Variants in CCDC178 observed in about 807,000 individuals in gnomAD.
CCDC178 encodes coiled-coil domain-containing protein 178.
Under a neutral mutation model 117.4 loss-of-function variants are expected in CCDC178, and 126 were observed. The ratio of observed to expected loss-of-function variants is 1.07; its 90% CI spans 0.93 to 1.24. The LOEUF is 1.24. Ranked by LOEUF, CCDC178 falls within the 50% of genes most tolerant of loss-of-function variation. The pLI is 0.00. For missense variants in CCDC178, 1,030 were observed against 986.9 expected (o/e 1.04, Z -0.59); for synonymous variants, 283 against 313.4 (o/e 0.90, Z 1.02).
chr18:33,216,905 G>A (rs1033611386), intron 18 of CCDC178, among the ~76,000 whole-genome samples: 3 of 151,992 alleles, frequency 2.0e-5, no homozygotes, highest in Admixed American at 6.6e-5. Flanking sequence ...GACAGAGAGC[G>A]GACAGGTGTG....
At chr18:33,127,272 G>C (rs747993486) in intron 20 of CCDC178, among the ~76,000 whole-genome samples, 1 of 151,910 alleles carries the variant, frequency 6.6e-6, no homozygotes, top group Admixed American at 6.6e-5. Context: ...CACTTTCATA[G>C]TAACACTACA....
chr18:32,999,522 G>GTCTT (rs2055589183), intron 21 of CCDC178, among the ~76,000 whole-genome samples: 1 of 152,074 alleles, frequency 6.6e-6, no homozygotes, highest in Non-Finnish European at 1.5e-5. Context: ...CTTGCTCCAG[G>GTCTT]TCTTAGGCAA....
chr18:33,177,951 G>A (rs2058682935), intron 20 of CCDC178, among the ~76,000 whole-genome samples: 1 of 152,012 alleles, frequency 6.6e-6, no homozygotes, highest in Non-Finnish European at 1.5e-5. Flanking sequence ...ATGTTCTCAT[G>A]AAATATGAGT....
chr18:33,040,953 G>T (rs2056539062), intron 21 of CCDC178, among the ~76,000 whole-genome samples: 1 of 151,926 alleles, frequency 6.6e-6, no homozygotes, highest in African/African-American at 2.4e-5. Context: ...AGAATAGTGT[G>T]AATATGCCTT....
At position 33,141,196 on chromosome 18, in the gene CCDC178, G is replaced by A. The variant is rs963213991; in HGVS notation, c.2239-48286C>T. On this transcript the variant is annotated intron_variant, in intron 20 of 22. Transcript: ENST00000383096. ...GCATGAAAACAGACTAATACATCCA[G>A]AAAGAAGAAAAGGTATGGGCGATTG... Among the ~76,000 whole-genome samples, 9 of 152,234 alleles carry A rather than the reference G, an allele frequency of 5.9e-5. No individual in the cohort carries two copies. The South Asian group carries it at 1.9e-3, about 32-fold the overall frequency.
At chr18:33,109,004 G>A (rs1039119461) in intron 20 of CCDC178, among the ~76,000 whole-genome samples, 5 of 151,566 alleles carry the variant, frequency 3.3e-5, no homozygotes, top group African/African-American at 1.2e-4. Context: ...TTTTTGAGCT[G>A]TCAGTTGGTG....
chr18:33,383,564 C>A (rs915930858), intron 5 of CCDC178, among the ~76,000 whole-genome samples: 1 of 152,068 alleles, frequency 6.6e-6, no homozygotes, highest in Non-Finnish European at 1.5e-5. Flanking sequence ...TGGTGCTACC[C>A]AGGCAAACAG....
chr18:33,030,162 CA>C (rs969341042), intron 21 of CCDC178, among the ~76,000 whole-genome samples: 1 of 151,932 alleles, frequency 6.6e-6, no homozygotes, highest in Non-Finnish European at 1.5e-5. Context: ...TTGTTTCCTG[CA>C]TATATATTTA....
At chr18:33,020,651 G>C (rs1050518688) in intron 21 of CCDC178, among the ~76,000 whole-genome samples, 35 of 152,198 alleles carry the variant, frequency 2.3e-4, no homozygotes, top group African/African-American at 8.2e-4. Context: ...ATAAATCAGG[G>C]AGTGTTTAAT....
chr18:33,101,422 T>C (rs1426355484), intron 20 of CCDC178, among the ~76,000 whole-genome samples: 1 of 151,898 alleles, frequency 6.6e-6, no homozygotes, highest in Non-Finnish European at 1.5e-5. Flanking sequence ...ATTTTAATGA[T>C]ATACATTTCT....
At chr18:33,188,032 G>A (rs1203995662) in intron 20 of CCDC178, among the ~76,000 whole-genome samples, 1 of 152,116 alleles carries the variant, frequency 6.6e-6, no homozygotes, top group African/African-American at 2.4e-5. Flanking sequence ...ATTCTTTGCT[G>A]GCTAAGAGTG....
chr18:33,397,268 C>G, intron 3 of CCDC178, 60 bp from the exon 4 acceptor site: 2 of 1,058,190 alleles, frequency 1.9e-6, no homozygotes, highest in Non-Finnish European at 2.9e-6. Flanking sequence ...ATATTCTGCC[C>G]TATATTGCAC....
At chr18:33,388,908 T>G (rs1411843672) in intron 5 of CCDC178, among the ~76,000 whole-genome samples, 1 of 152,040 alleles carries the variant, frequency 6.6e-6, no homozygotes. Flanking sequence ...AAACACTGCA[T>G]GTTCTCACTT....
In CCDC178 at chr18:32,950,312, C is replaced by A. The variant is rs564973368; in HGVS notation, c.2524-12221G>T. ...CTGGACTCTGCCTCTATTCTTCCCACCTGCACCATGATTTGTAAAGTCTCT... is the reference window on the plus strand; with the variant it reads ...CTGGACTCTGCCTCTATTCTTCCCAACTGCACCATGATTTGTAAAGTCTCT... On this transcript the variant is annotated intron_variant, in intron 22 of 22. Transcript: ENST00000383096. 1.4e-4 allele frequency among the ~76,000 whole-genome samples: 22 copies of A among 152,236 alleles called. No homozygotes were observed. The East Asian group carries it at 4.2e-3, about 29-fold the overall frequency.
Position 33,069,344 on chromosome 18 carries a change from G to A in CCDC178, c.2388+23417C>T, listed in dbSNP as rs1012629808. Among the ~76,000 whole-genome samples the A allele has an allele frequency of 1.3e-4, 20 of 152,036 alleles. 1 individual carries two copies. The highest frequency in any genetic ancestry group is 2.4e-4 in the Non-Finnish European group (16 of 67,940). On this transcript the variant is annotated intron_variant, in intron 21 of 22. Transcript: ENST00000383096. ...ATTAAAAACAGGCATATACACAATGGAGCAGAATAGAAAAACCAGGAATAA... is the reference window on the plus strand; with the variant it reads ...ATTAAAAACAGGCATATACACAATGAAGCAGAATAGAAAAACCAGGAATAA...
At chr18:33,344,803 GCA>G (rs63067861) in intron 9 of CCDC178, among the ~76,000 whole-genome samples, 19,197 of 120,310 alleles carry the variant, frequency 0.16, 1,435 homozygotes, top group East Asian at 0.23. Flanking sequence ...TGCCTCTAAA[GCA>G]CACACACACA....
intron 20 of CCDC178, among the ~76,000 whole-genome samples, chr18:33,176,515 G>C (rs1004354978): frequency 1.2e-4 from 19 of 152,184 alleles, no homozygotes; most frequent in Middle Eastern, 3.4e-3. Context: ...AGCTTCTCCT[G>C]TCTCCATCCA....
chr18:33,187,086 G>GGA (rs58400297), intron 20 of CCDC178, among the ~76,000 whole-genome samples: 4,196 of 140,026 alleles, frequency 0.03, 113 homozygotes, highest in African/African-American at 0.067. Flanking sequence ...CATGGCGGCA[G>GGA]GAGAGAGAGA....
At chr18:33,262,250 T>A (rs771556305) in intron 14 of CCDC178, among the ~76,000 whole-genome samples, 28 of 152,212 alleles carry the variant, frequency 1.8e-4, no homozygotes, top group Non-Finnish European at 2.8e-4. Context: ...ATTTTACATC[T>A]AACATCTATC....
Sources: allele counts gnomAD v4.1 joint callset (sites outside exome capture counted in the v4.1 genomes callset), GRCh38; gene constraint gnomAD v4.1.1; transcripts MANE v1.5; gene names NCBI Gene and HGNC (gene_info 2026-07-23, HGNC 2026-07-21).